The following AGFG1 variants were observed in gnomAD, a reference collection of about 807,000 sequenced individuals.
AGFG1 encodes the protein arf-GAP domain and FG repeat-containing protein 1.
In AGFG1, 10 loss-of-function variants were observed where a neutral mutation model predicts 60.6. The ratio of observed to expected loss-of-function variants is 0.16; its 90% CI spans 0.10 to 0.28. AGFG1 has a LOEUF of 0.28. Ranked by LOEUF, AGFG1 falls within the 10% of genes least tolerant of loss-of-function variation. AGFG1 has a pLI of 1.00. For synonymous variants in AGFG1, 247 were observed against 242.9 expected, an observed-to-expected ratio of 1.02 and a Z score of -0.16; for missense variants, 537 against 676.5, an observed-to-expected ratio of 0.79 and a Z score of 2.29.
chr2:227,508,505 A>C, intron 2 of AGFG1: 1 of 372,572 alleles, frequency 2.7e-6, no homozygotes, highest in South Asian at 2.1e-5. Flanking sequence ...AAATGTAAAA[A>C]ATGTAAAGCT....
chr2:227,517,285 G>GAC (rs746487388), intron 2 of AGFG1, among the ~76,000 whole-genome samples: 1 of 152,180 alleles, frequency 6.6e-6, no homozygotes, highest in Non-Finnish European at 1.5e-5. Context: ...TAGACAGACA[G>GAC]ACACGGAGTC....
chr2:227,497,723 C>CTTTTT (rs1559173418), intron 2 of AGFG1, among the ~76,000 whole-genome samples: 1 of 80,298 alleles, frequency 1.2e-5, no homozygotes, highest in African/African-American at 5.0e-5. Flanking sequence ...AAATGAGTTT[C>CTTTTT]TTTCTTGTTT....
chr2:227,510,815 G>A (rs1298694696), intron 2 of AGFG1: 1 of 152,176 alleles, frequency 6.6e-6, no homozygotes, highest in Non-Finnish European at 1.5e-5. Context: ...CCTTATGGTA[G>A]ATGTCTGAAT....
chr2:227,533,640 C>G lies in AGFG1; in HGVS notation c.906C>G (p.Ser302=), dbSNP rs769527975. ...SSADFGTFNT[S]QSHQTASAVS... ...CTGATTTTGGAACCTTCAATACTTC[C>G]CAGAGTCATCAAACAGCATCAGCTG... Residue 302 remains serine, a synonymous_variant, in exon 7 of 13, where the codon TCC becomes TCG. Transcript: ENST00000310078. The G allele has an allele frequency of 1.9e-6, 3 of 1,613,762 alleles. No individual in the cohort carries two copies. In the South Asian group the frequency reaches 3.3e-5, roughly 18 times the overall value.
chr2:227,485,624 G>GA (rs1690610545), intron 1 of AGFG1, among the ~76,000 whole-genome samples: 1 of 151,878 alleles, frequency 6.6e-6, no homozygotes, highest in African/African-American at 2.4e-5. Context: ...TATTGGATCT[G>GA]AAAAAAATCT....
At chr2:227,474,802 A>G (rs1294984866) in intron 1 of AGFG1, among the ~76,000 whole-genome samples, 3 of 152,222 alleles carry the variant, frequency 2.0e-5, no homozygotes, top group Non-Finnish European at 4.4e-5. Flanking sequence ...TGAGCTAGGT[A>G]CACATGGCTT....
chr2:227,545,544 CTG>C (rs1559199297), intron 10 of AGFG1, among the ~76,000 whole-genome samples: 1 of 152,214 alleles, frequency 6.6e-6, no homozygotes, highest in African/African-American at 2.4e-5. Flanking sequence ...AAGAGGCACT[CTG>C]GTTTTTAGAA....
chr2:227,524,704 G>T, intron 4 of AGFG1, 58 bp from the exon 5 acceptor site: 1 of 1,571,964 alleles, frequency 6.4e-7, no homozygotes. Flanking sequence ...AGATAGTTTT[G>T]TATAAAGATT....
chr2:227,503,365 A>G (rs1027330430), intron 2 of AGFG1, among the ~76,000 whole-genome samples: 22 of 152,072 alleles, frequency 1.4e-4, no homozygotes, highest in African/African-American at 5.3e-4. Context: ...CTGCTTTCCT[A>G]GTAAATCTTG....
Position 227,531,142 on chromosome 2 carries a change from C to T in AGFG1, c.746C>T (p.Ser249Phe). ...DFANFDAFGQ[S>F]SGSSNFGGFP... The stretch of plus-strand genomic sequence containing the variant: ...GCAAACTTTGATGCATTTGGACAGT[C>T]TAGTGGTTCGAGTAATTTTGGAGGT... The change falls in exon 6 of 13, where the codon TCT becomes TTT. Residue 249 changes from serine (S) to phenylalanine (F), a missense_variant. Coordinates refer to ENST00000310078, the MANE Select transcript of AGFG1 (RefSeq NM_004504.5). The T allele has an allele frequency of 6.2e-7, 1 of 1,613,676 alleles. No homozygotes were observed. The highest frequency in any genetic ancestry group is 8.5e-7 in the Non-Finnish European group (1 of 1,179,704).
At position 227,497,730 on chromosome 2, in the gene AGFG1, GTTTTGTTTTTT is replaced by G. The variant is rs1423788027; in HGVS notation, c.261+6095_261+6105del. Among the ~76,000 whole-genome samples, 12 of 38,924 alleles carry G rather than the reference GTTTTGTTTTTT, an allele frequency of 3.1e-4. 1 individual carries two copies. Among genetic ancestry groups the G allele is most frequent in the African/African-American group, 4.5e-4 (6 of 13,230 alleles). The allele number at this position is 38,924 out of a possible 152,430, so 25.5% of individuals were successfully genotyped here. ...ATATAGCCAAATGAGTTTCTTTCTT[GTTTTGTTTTTT>G]TTTTTTTTTTTTTTTTTTTTGGGGA... is the stretch of plus-strand genomic sequence containing the variant. On this transcript the variant is annotated intron_variant, in intron 2 of 12. Coordinates refer to ENST00000310078, the MANE Select transcript of AGFG1 (RefSeq NM_004504.5).
In AGFG1 at chr2:227,533,602, A is replaced by C. The variant is rs564585540; in HGVS notation, c.868A>C (p.Lys290Gln). ...ANFAHFDNFP[K>Q]SSSADFGTFN... is the part of the protein sequence containing the mutation. ...TTTTGCTCATTTTGATAACTTCCCC[A>C]AATCCTCCAGTGCTGATTTTGGAAC... Residue 290 changes from lysine to glutamine, a missense_variant, in exon 7 of 13, where the codon AAA becomes CAA. Around this residue, in one of 4 missense-constraint regions of AGFG1, gnomAD observed 287 missense variants for 343.6 expected, o/e 0.84. Coordinates refer to ENST00000310078, the MANE Select transcript of AGFG1 (RefSeq NM_004504.5). The C allele has an allele frequency of 1.5e-5, 25 of 1,613,816 alleles. No homozygotes were observed. The South Asian group carries it at 2.4e-4, about 16-fold the overall frequency.
intron 5 of AGFG1, 39 bp downstream of exon 5, chr2:227,524,954 T>A (rs753626808): frequency 6.2e-7 from 1 of 1,606,608 alleles, no homozygotes; most frequent in Non-Finnish European, 8.5e-7. Context: ...TGGGGATGCA[T>A]ATAAAACACC....
intron 10 of AGFG1, among the ~76,000 whole-genome samples, chr2:227,551,046 GATGGCAGCATTCCAC>G (rs1005191078): frequency 2.0e-5 from 3 of 152,184 alleles, no homozygotes; most frequent in African/African-American, 4.8e-5. Context: ...AGAGGGAAAT[GATGGCAGCATTCCAC>G]ATATGTAGCA....
intron 10 of AGFG1, among the ~76,000 whole-genome samples, chr2:227,549,617 GTAAA>G: frequency 6.6e-6 from 1 of 152,238 alleles, no homozygotes; most frequent in Non-Finnish European, 1.5e-5. Context: ...GTGCTGATTT[GTAAA>G]TAAAACAATC....
chr2:227,560,337 A>G lies in AGFG1; in HGVS notation c.*5842A>G, dbSNP rs1044368140. ...GCCTGACTGGAAACTTTATTAATAA[A>G]GTAGACATTATTCTATTTTGAGGCT... On this transcript the variant is annotated 3_prime_UTR_variant, in exon 13 of 13. Coordinates refer to ENST00000310078, the MANE Select transcript of AGFG1 (RefSeq NM_004504.5). The G allele has an allele frequency of 2.0e-5, 3 of 152,164 alleles. No homozygotes were observed. Among genetic ancestry groups the G allele is most frequent in the Non-Finnish European group, 1.5e-5 (1 of 67,982 alleles). 9.4% of individuals were successfully genotyped at this position (152,164 alleles called of 1,614,324 possible).
At chr2:227,536,528 A>G (rs1173944587) in intron 8 of AGFG1, 97 bp from the exon 9 acceptor site, 1 of 939,418 alleles carries the variant, frequency 1.1e-6, no homozygotes. Context: ...TGATGCTGTG[A>G]TACACGATAT....
chr2:227,501,678 G>A (rs949160349), intron 2 of AGFG1, among the ~76,000 whole-genome samples: 8 of 148,348 alleles, frequency 5.4e-5, no homozygotes, highest in African/African-American at 2.0e-4. Flanking sequence ...TGACTTCCTG[G>A]GCTCAGGTGA....
At chr2:227,481,732 T>TA (rs1203711793) in intron 1 of AGFG1, among the ~76,000 whole-genome samples, 5 of 152,188 alleles carry the variant, frequency 3.3e-5, no homozygotes, top group Non-Finnish European at 5.9e-5. Flanking sequence ...GGAGTTTTGA[T>TA]ACAGGCATGC....
Sources: gnomAD v4.1 joint callset for allele counts (sites outside exome capture counted in the v4.1 genomes callset) on GRCh38, gnomAD v4.1.1 for gene constraint, gnomAD v4.1.1 regional missense constraint, MANE v1.5 for transcripts, NCBI Gene and HGNC (gene_info 2026-07-23, HGNC 2026-07-21) for gene names.